The following PTGER3 variants were observed in gnomAD, a reference collection of about 807,000 sequenced individuals.
The protein encoded by PTGER3 is prostaglandin E2 receptor EP3 subtype.
A neutral mutation model predicts 34.7 loss-of-function variants in PTGER3; 22 were observed. That is an observed-to-expected ratio of 0.63 (90% CI 0.45 to 0.91). PTGER3 has a LOEUF of 0.91. PTGER3 is among the 40% of genes least tolerant of loss of function. The probability of loss-of-function intolerance (pLI) is 0.00; values close to 1 mark genes in which losing one functional copy is unlikely to be tolerated. For missense variants in PTGER3, 468 were observed against 519.4 expected, an observed-to-expected ratio of 0.90 and a Z score of 0.96; for synonymous variants, 241 against 230.1, an observed-to-expected ratio of 1.05 and a Z score of -0.43.
At chr1:71,008,363 A>C in intron 2 of PTGER3, 1 of 863,496 alleles carries the variant, frequency 1.2e-6, no homozygotes, top group South Asian at 5.4e-5. Flanking sequence ...CACTCTGCTT[A>C]TGGTATCATA....
chr1:70,905,062 G>A (rs1854152), intron 4 of PTGER3, among the ~76,000 whole-genome samples: 139,291 of 152,168 alleles, frequency 0.92, 63,903 homozygotes, highest in East Asian at 1. Flanking sequence ...GGGCTAACAT[G>A]GAGCTCAGGC....
At chr1:70,920,356 G>A (rs1647406487) in intron 4 of PTGER3, among the ~76,000 whole-genome samples, 1 of 152,090 alleles carries the variant, frequency 6.6e-6, no homozygotes, top group African/African-American at 2.4e-5. Context: ...TGAAGAACTG[G>A]AGAGATTTCT....
chr1:71,012,184 A>G (rs994952088), intron 2 of PTGER3, 121 bp downstream of exon 2: 35 of 1,589,034 alleles, frequency 2.2e-5, no homozygotes, highest in Non-Finnish European at 2.9e-5. Context: ...TGTTACCAAA[A>G]GCTGTGCACA....
At chr1:70,981,236 TTC>T (rs1654225812) in intron 2 of PTGER3, among the ~76,000 whole-genome samples, 1 of 152,070 alleles carries the variant, frequency 6.6e-6, no homozygotes, top group East Asian at 1.9e-4. Context: ...ATACTATTGT[TTC>T]TTTTTCTTTC....
In PTGER3 at chr1:70,880,158, T is replaced by C. The variant is rs181377942; in HGVS notation, c.*24-27299A>G. On this transcript the variant is annotated intron_variant, in intron 4 of 4. Transcript: ENST00000370931. ...TTGTTAGCTGGTTATTATGCAGACT[T>C]GATTGTGTGGTTGCTTTATAGTGTC... 4.4e-3 allele frequency among the ~76,000 whole-genome samples: 676 copies of C among 152,196 alleles called. 4 individuals carry two copies. Among genetic ancestry groups the C allele is most frequent in the African/African-American group, 0.016 (652 of 41,532 alleles).
intron 1 of PTGER3, among the ~76,000 whole-genome samples, chr1:71,021,742 G>GA (rs910205341): frequency 2.0e-5 from 3 of 151,470 alleles, no homozygotes; most frequent in Non-Finnish European, 4.4e-5. Context: ...ACACTTAAAG[G>GA]AAAAAAATCA....
intron 4 of PTGER3, among the ~76,000 whole-genome samples, chr1:70,935,580 T>G (rs1461359798): frequency 6.6e-6 from 1 of 151,594 alleles, no homozygotes; most frequent in African/African-American, 2.4e-5. Context: ...TGTTTATTTT[T>G]GCTTTTACTT....
At chr1:70,973,214 A>AGAT (rs1322234508) in intron 3 of PTGER3, among the ~76,000 whole-genome samples, 38 of 130,098 alleles carry the variant, frequency 2.9e-4, no homozygotes, top group Admixed American at 1.2e-3. Context: ...ATAGATAGAT[A>AGAT]GATAGATGAT....
At chr1:70,896,091 G>A (rs1490024984) in intron 4 of PTGER3, among the ~76,000 whole-genome samples, 1 of 152,158 alleles carries the variant, frequency 6.6e-6, no homozygotes, top group Non-Finnish European at 1.5e-5. Context: ...TCTTCAAAAT[G>A]ATGAAGATAG....
chr1:70,957,142 G>A (rs1332514532), intron 2 of PTGER3, among the ~76,000 whole-genome samples: 9 of 152,112 alleles, frequency 5.9e-5, no homozygotes, highest in Non-Finnish European at 7.4e-5. Context: ...CTCTGTTTTC[G>A]GTAATAACAT....
intron 4 of PTGER3, among the ~76,000 whole-genome samples, chr1:70,908,922 G>T (rs947839423): frequency 1.3e-5 from 2 of 152,158 alleles, no homozygotes; most frequent in Non-Finnish European, 2.9e-5. Context: ...AGAAAAGTGA[G>T]GCATACAGAG....
Position 71,047,212 on chromosome 1 carries a change from G to A in PTGER3, c.366C>T (p.His122=). 1 of 1,598,108 alleles carries A rather than the reference G, an allele frequency of 6.3e-7. No homozygotes were observed. Among genetic ancestry groups the A allele is most frequent in the South Asian group, 1.1e-5 (1 of 89,010 alleles). ...VVYLSKQRWE[H]IDPSGRLCTF... Reference sequence around the variant, plus strand: ...TGCAGAGCCGCCCCGACGGGTCGATGTGCTCCCAACGCTGCTTGGACAGGT... The same window carrying A: ...TGCAGAGCCGCCCCGACGGGTCGATATGCTCCCAACGCTGCTTGGACAGGT... The change falls in exon 1 of 4, where the codon CAC becomes CAT. Residue 122 remains histidine (H), a synonymous_variant. Coordinates refer to ENST00000306666, the MANE Select transcript of PTGER3 (RefSeq NM_198719.2).
Position 70,865,958 on chromosome 1 carries a change from T to G in PTGER3, c.*24-13099A>C, listed in dbSNP as rs577675296. ...CATCCGGGAAATTCCTACTCATTTC[T>G]TCTTCAAAGTTCAACTCAAGCACTT... On this transcript the variant is annotated intron_variant, in intron 4 of 4. Coordinates refer to the PTGER3 transcript ENST00000370931. 11 of 462,482 alleles carry G rather than the reference T, an allele frequency of 2.4e-5. No individual in the cohort carries two copies. The East Asian group carries it at 7.3e-4, about 31-fold the overall frequency. The allele number at this position is 462,482 out of a possible 1,614,324, so 28.6% of individuals were successfully genotyped here.
At chr1:70,874,309 T>C (rs1007726376) in intron 4 of PTGER3, among the ~76,000 whole-genome samples, 4 of 152,130 alleles carry the variant, frequency 2.6e-5, no homozygotes, top group Admixed American at 2.0e-4. Flanking sequence ...CCGGAGAGAA[T>C]TGAATTTATT....
chr1:71,043,957 C>A (rs1660530133), intron 1 of PTGER3, among the ~76,000 whole-genome samples: 2 of 151,526 alleles, frequency 1.3e-5, no homozygotes, highest in South Asian at 4.2e-4. Flanking sequence ...ACTGAGATTA[C>A]AGGCGCATGC....
intron 1 of PTGER3, among the ~76,000 whole-genome samples, chr1:71,020,567 C>T (rs1658313863): frequency 6.6e-6 from 1 of 151,106 alleles, no homozygotes; most frequent in Non-Finnish European, 1.5e-5. Flanking sequence ...AGGTGTGAAA[C>T]AAAAGTCAAA....
intron 1 of PTGER3, among the ~76,000 whole-genome samples, chr1:71,024,882 T>TTTA (rs1365959424): frequency 4.3e-4 from 1 of 2,342 alleles, no homozygotes; most frequent in Middle Eastern, 0.25. Flanking sequence ...CTTTTATTTA[T>TTTA]TTATTTATTT....
Position 71,006,930 on chromosome 1 carries a change from A to G in PTGER3, c.1077+5375T>C, listed in dbSNP as rs1224347345. 3 of 985,340 alleles carry G rather than the reference A, an allele frequency of 3.0e-6. No homozygotes were observed. The African/African-American group carries it at 5.2e-5, about 17-fold the overall frequency. The allele number at this position is 985,340 out of a possible 1,614,324, so 61.0% of individuals were successfully genotyped here. ...TAACACACATTTATTAAATACACAG[A>G]CTAGCCATGACTTGAATGCCAGCAA... is the stretch of plus-strand genomic sequence containing the variant. On this transcript the variant is annotated intron_variant, in intron 2 of 3. Coordinates refer to ENST00000306666, the MANE Select transcript of PTGER3 (RefSeq NM_198719.2).
chr1:70,862,065 G>T (rs992477063), intron 4 of PTGER3, among the ~76,000 whole-genome samples: 17 of 151,896 alleles, frequency 1.1e-4, no homozygotes, highest in Non-Finnish European at 2.5e-4. Context: ...TGTTGTGAAA[G>T]CCCCATTAAT....
Sources: gnomAD v4.1 joint callset for allele counts (sites outside exome capture counted in the v4.1 genomes callset) on GRCh38, gnomAD v4.1.1 for gene constraint, MANE v1.5 for transcripts, NCBI Gene and HGNC (gene_info 2026-07-23, HGNC 2026-07-21) for gene names.